MAP4K2: variants seen among roughly 807,000 people sequenced by gnomAD.
MAP4K2 encodes the protein B lymphocyte serine/threonine protein kinase.
A neutral mutation model predicts 125.3 loss-of-function variants in MAP4K2; 85 were observed. The ratio of observed to expected loss-of-function variants is 0.68; its 90% confidence interval spans 0.57 to 0.81. The LOEUF is 0.81. Among genes scored for constraint, MAP4K2 ranks in the 40% least tolerant of loss-of-function variants. The pLI, the probability that MAP4K2 is intolerant of heterozygous loss-of-function variation, is 0.00. For missense variants in MAP4K2, 923 were observed against 1,056.4 expected, an observed-to-expected ratio of 0.87 and a Z score of 1.75; for synonymous variants, 479 against 445.1, an observed-to-expected ratio of 1.08 and a Z score of -0.96.
At position 64,789,547 on chromosome 11, in the gene MAP4K2, C is replaced by T. The variant is rs368022804; in HGVS notation, c.2453G>A (p.Ser818Asn). The part of the protein sequence containing the change: ...SNLYILTGHQ[S>N]TY ...ACAGGCCCGCTGCTCTTAGTAGGTG[C>T]TCTGGTGGCCCGTGAGGATGTAGAG... Residue 818 changes from serine to asparagine, a missense_variant, in exon 32 of 32, where the codon AGC becomes AAC. By Grantham distance (46) the Ser-to-Asn change is conservative. Coordinates refer to ENST00000294066, the MANE Select transcript of MAP4K2 (RefSeq NM_004579.5). 5.8e-5 allele frequency: 92 copies of T among 1,585,386 alleles called. No individual in the cohort carries two copies. In the African/African-American group the frequency reaches 1.1e-3, roughly 19 times the overall value.
chr11:64,800,709 G>A lies in MAP4K2; in HGVS notation c.725+55C>T, dbSNP rs1941110726. ...CCCCGGGAGTTGGCAGAGGCTGTTT[G>A]TCCACTATGGGGCTGACAGAAAAGG... On this transcript the variant is annotated intron_variant, in intron 10 of 31. Transcript: ENST00000294066. 3 of 1,556,006 alleles carry A rather than the reference G, an allele frequency of 1.9e-6. No individual in the cohort carries two copies. In the East Asian group the frequency reaches 7.2e-5, roughly 37 times the overall value.
rs1940317593 is a variant in MAP4K2 at position 64,788,955 on chromosome 11, CA to C, written c.*581del. On this transcript the variant is annotated 3_prime_UTR_variant, in exon 32 of 32. Coordinates refer to ENST00000294066, the MANE Select transcript of MAP4K2 (RefSeq NM_004579.5). The stretch of plus-strand genomic sequence containing the variant: ...TGAGGGTCAGTTCTGAGCAAGGATG[CA>C]GGGGAAGGCACAGTGCCCCTAGAAG... The C allele has an allele frequency of 4.4e-5, 7 of 158,070 alleles. No individual in the cohort carries two copies. The South Asian group carries it at 1.3e-3, about 30-fold the overall frequency. The allele number at this position is 158,070 out of a possible 1,614,324, so 9.8% of individuals were successfully genotyped here.
chr11:64,799,726 C>T (rs1423397266), intron 12 of MAP4K2, 43 bp from the exon 13 acceptor site: 1 of 1,553,648 alleles, frequency 6.4e-7, no homozygotes, highest in Admixed American at 1.7e-5. Flanking sequence ...TGGCACGCGC[C>T]TCATGCCGGG....
At chr11:64,790,730 G>T (rs1335094318) in intron 27 of MAP4K2, among the ~76,000 whole-genome samples, 1 of 152,194 alleles carries the variant, frequency 6.6e-6, no homozygotes, top group African/African-American at 2.4e-5. Flanking sequence ...ACCAGGCCTC[G>T]TGACCCAGTC....
At chr11:64,790,680 G>T (rs970916227) in intron 27 of MAP4K2, among the ~76,000 whole-genome samples, 2 of 152,196 alleles carry the variant, frequency 1.3e-5, no homozygotes, top group Non-Finnish European at 2.9e-5. Context: ...AGTGGAGGAG[G>T]AGTCACGGGG....
At chr11:64,799,338 C>A in intron 14 of MAP4K2, 83 bp downstream of exon 14, 1 of 1,532,508 alleles carries the variant, frequency 6.5e-7, no homozygotes, top group South Asian at 1.2e-5. Flanking sequence ...TCAAATCTCC[C>A]TTGATTTGAG....
chr11:64,801,024 G>T lies in MAP4K2; in HGVS notation c.538C>A (p.Pro180Thr). 6.2e-7 allele frequency: 1 copy of T among 1,613,868 alleles called. No individual in the cohort carries two copies. Among genetic ancestry groups the T allele is most frequent in the East Asian group, 2.2e-5 (1 of 44,878 alleles). The change falls in exon 9 of 32, where the codon CCC (proline) becomes ACC (threonine). Residue 180 changes from proline to threonine, a missense_variant. Around this residue, in one of 2 missense-constraint regions of MAP4K2, gnomAD observed 833 missense variants for 911.4 expected, o/e 0.91. Coordinates refer to ENST00000294066, the MANE Select transcript of MAP4K2 (RefSeq NM_004579.5). ...TTGCGCTCCACAGCAGCCACCTCGG[G>T]AGCCATCCTAGAGGTGGGGTCACAG... ...SFIGTPYWMA[P>T]EVAAVERKGG...
chr11:64,789,922 A>C lies in MAP4K2; in HGVS notation c.2286T>G (p.His762Gln). The C allele has an allele frequency of 6.2e-7, 1 of 1,613,716 alleles. No homozygotes were observed. The highest frequency in any genetic ancestry group is 8.5e-7 in the Non-Finnish European group (1 of 1,179,942). ...LQDSVLAFWS[H>Q]GMQGRSLDTN... is the part of the protein sequence containing the mutation. ...TATCCAGGCTTCGGCCTTGCATCCCATGGCTCCAGAAGGCCAGCACACTGT... is the reference window on the plus strand; with the variant it reads ...TATCCAGGCTTCGGCCTTGCATCCCCTGGCTCCAGAAGGCCAGCACACTGT... The change falls in exon 30 of 32, where the codon CAT (histidine) becomes CAG (glutamine). Residue 762 changes from histidine (H) to glutamine (Q), a missense_variant. Physicochemically the swap from His to Gln is conservative, Grantham distance 24. Around this residue, in one of 2 missense-constraint regions of MAP4K2, gnomAD observed 90 missense variants for 144.9 expected, o/e 0.62. Transcript: ENST00000294066.
chr11:64,802,777 C>A, intron 2 of MAP4K2, 108 bp downstream of exon 2: 2 of 1,470,398 alleles, frequency 1.4e-6, no homozygotes, highest in Admixed American at 1.9e-5. Flanking sequence ...CAGCACCTCC[C>A]GGGGCACGCC....
Position 64,800,108 on chromosome 11 carries a change from C to G in MAP4K2, c.915+1G>C. ...CTCACTTTCCAGCCCCCCTCACCTA[C>G]CTCCAGCTCACAGTCCTCAGGGGAG... On this transcript the variant is annotated splice_donor_variant, in intron 12 of 31. Transcript: ENST00000294066. LOFTEE classifies it high-confidence loss of function. 1 of 1,600,292 alleles carries G rather than the reference C, an allele frequency of 6.2e-7. No individual in the cohort carries two copies. The highest frequency in any genetic ancestry group is 8.5e-7 in the Non-Finnish European group (1 of 1,173,714).
At chr11:64,795,743 AG>A (rs1485054038) in intron 24 of MAP4K2, among the ~76,000 whole-genome samples, 3 of 152,062 alleles carry the variant, frequency 2.0e-5, no homozygotes, top group Non-Finnish European at 2.9e-5. Flanking sequence ...CTGTGTTTTC[AG>A]GCTGATTTCA....
chr11:64,792,462 T>C, intron 24 of MAP4K2, 40 bp from the exon 25 acceptor site: 1 of 1,545,460 alleles, frequency 6.5e-7, no homozygotes. Context: ...TGGGATGCCA[T>C]CCATGGGCAA....
intron 24 of MAP4K2, among the ~76,000 whole-genome samples, chr11:64,795,618 A>G (rs900877062): frequency 1.3e-5 from 2 of 152,102 alleles, no homozygotes. Flanking sequence ...TAGCCAGGAT[A>G]GTCTCCATCT....
chr11:64,792,331 G>GCCCCGCCCCCCCCCC, intron 25 of MAP4K2, 33 bp downstream of exon 25: 8 of 1,535,440 alleles, frequency 5.2e-6, no homozygotes, highest in African/African-American at 1.4e-5. Flanking sequence ...CCCCCACCAG[G>GCCCCGCCCCCCCCCC]CCCCGCCCCA....
chr11:64,792,542 G>C (rs1940563872), intron 24 of MAP4K2, 120 bp from the exon 25 acceptor site: 1 of 799,572 alleles, frequency 1.3e-6, no homozygotes, highest in African/African-American at 1.7e-5. Context: ...CTGAGACTCA[G>C]AGACACAGAG....
intron 11 of MAP4K2, 27 bp from the exon 12 acceptor site, chr11:64,800,243 A>T: frequency 6.2e-7 from 1 of 1,612,128 alleles, no homozygotes; most frequent in Non-Finnish European, 8.5e-7. Context: ...GGGGGTGATC[A>T]GGTTGGCCCC....
At chr11:64,802,208 A>G (rs776354625) in intron 4 of MAP4K2, 87 bp from the exon 5 acceptor site, 4 of 1,327,360 alleles carry the variant, frequency 3.0e-6, no homozygotes, top group Non-Finnish European at 3.2e-6. Flanking sequence ...AGCAGCAGGC[A>G]CTGTTAAATG....
intron 24 of MAP4K2, 85 bp downstream of exon 24, chr11:64,796,188 T>C: frequency 8.1e-7 from 1 of 1,237,526 alleles, no homozygotes; most frequent in African/African-American, 1.5e-5. Flanking sequence ...CTAAGATTGC[T>C]GCAATCCCAG....
chr11:64,796,997 T>TG lies in MAP4K2; in HGVS notation c.1391dup (p.Thr465AsnfsTer52). On this transcript the variant is annotated frameshift_variant, in exon 20 of 32. Coordinates refer to ENST00000294066, the MANE Select transcript of MAP4K2 (RefSeq NM_004579.5). LOFTEE classifies it high-confidence loss of function. ...AAACACTTACATGCACCTTGGGAGT[T>TG]GGGGGGAGCCCGTGGCAGGATGACC... 1.2e-6 allele frequency: 2 copies of TG among 1,613,762 alleles called. No individual in the cohort carries two copies. The highest frequency in any genetic ancestry group is 1.7e-6 in the Non-Finnish European group (2 of 1,179,908).
Sources: allele counts gnomAD v4.1 joint callset (sites outside exome capture counted in the v4.1 genomes callset), GRCh38; gene constraint gnomAD v4.1.1; regional missense constraint gnomAD v4.1.1; transcripts MANE v1.5; gene names NCBI Gene and HGNC (gene_info 2026-07-23, HGNC 2026-07-21).